Variants in FAAP100 observed in about 807,000 individuals in gnomAD.
The protein encoded by FAAP100 is FA core complex associated protein 100, also known as Fanconi anemia core complex-associated protein 100.
In FAAP100, 46 loss-of-function variants were observed where a neutral mutation model predicts 65.8. That is an observed-to-expected ratio of 0.70 (90% confidence interval 0.55 to 0.89). FAAP100 has a LOEUF of 0.89. Among genes scored for constraint, FAAP100 ranks in the 40% least tolerant of loss-of-function variants. The probability of loss-of-function intolerance (pLI) is 0.00; values close to 1 mark genes in which losing one functional copy is unlikely to be tolerated. For missense variants in FAAP100, 1,165 were observed against 1,196.7 expected, an observed-to-expected ratio of 0.97 and a Z score of 0.39; for synonymous variants, 663 against 555.1, an observed-to-expected ratio of 1.19 and a Z score of -2.73.
intron 3 of FAAP100, 43 bp downstream of exon 3, chr17:81,550,205 C>T (rs1207333731): frequency 3.3e-6 from 5 of 1,522,514 alleles, no homozygotes; most frequent in Non-Finnish European, 4.4e-6. Flanking sequence ...AAAGGGTGCT[C>T]CACCCTGGGC....
chr17:81,544,149 G>A, intron 6 of FAAP100, 29 bp from the exon 7 acceptor site: 1 of 1,559,972 alleles, frequency 6.4e-7, no homozygotes, highest in Non-Finnish European at 8.8e-7. Flanking sequence ...CTCACTGCCT[G>A]CCTGTGGCAC....
In FAAP100 at chr17:81,550,620, G is replaced by C; in HGVS notation, c.874C>G (p.Pro292Ala). ...VIFIGALKTE[P>A]QAAEAAENFL... ...TTCTCTGCAGCTTCTGCAGCCTGTG[G>C]CTCTGTCTTCAAGGCCCCTATGAAG... The change falls in exon 3 of 9, where the codon CCA (proline) becomes GCA (alanine). Residue 292 changes from proline (P) to alanine (A), a missense_variant. By Grantham distance (27) the Pro-to-Ala change is conservative. Coordinates refer to ENST00000327787, the MANE Select transcript of FAAP100 (RefSeq NM_025161.6). 6.2e-7 allele frequency: 1 copy of C among 1,613,020 alleles called. No individual in the cohort carries two copies. Among genetic ancestry groups the C allele is most frequent in the Non-Finnish European group, 8.5e-7 (1 of 1,180,016 alleles).
upstream of FAAP100, among the ~76,000 whole-genome samples, chr17:81,552,765 C>T (rs1420770684): frequency 6.6e-6 from 1 of 152,200 alleles, no homozygotes; most frequent in Non-Finnish European, 1.5e-5. Context: ...CAGCTGGGTC[C>T]TGCCGGAGCG....
In FAAP100 at chr17:81,551,020, G is replaced by A. The variant is rs767830366; in HGVS notation, c.474C>T (p.Pro158=). Residue 158 remains proline, a synonymous_variant, in exon 3 of 9, where the codon CCC becomes CCT. Coordinates refer to ENST00000327787, the MANE Select transcript of FAAP100 (RefSeq NM_025161.6). ...ARWKMQLFEQ[P]CPGEDPRPGG... ...CTGGCCGGGGGTCCTCCCCAGGACA[G>A]GGCTGCTCAAACAGCTGCATCTTCC... 6.8e-6 allele frequency: 11 copies of A among 1,611,012 alleles called. No homozygotes were observed. In the Admixed American group the frequency reaches 1.8e-4, roughly 27 times the overall value.
At position 81,551,046 on chromosome 17, in the gene FAAP100, A is replaced by G; in HGVS notation, c.448T>C (p.Trp150Arg). The stretch of plus-strand genomic sequence containing the variant: ...GGCTGCTCAAACAGCTGCATCTTCC[A>G]TCGGGCAGGGCCCTGCACCAGGGTG... ...LVTLVQGPAR[W>R]KMQLFEQPCP... The change falls in exon 3 of 9, where the codon TGG becomes CGG. Residue 150 changes from tryptophan to arginine, a missense_variant. By Grantham distance (101) the Trp-to-Arg change is moderately radical (BLOSUM62 -3). Transcript: ENST00000327787. 1 of 1,605,732 alleles carries G rather than the reference A, an allele frequency of 6.2e-7. No individual in the cohort carries two copies. Among genetic ancestry groups the G allele is most frequent in the Non-Finnish European group, 8.5e-7 (1 of 1,176,694 alleles).
chr17:81,545,844 C>T lies in FAAP100; in HGVS notation c.2212G>A (p.Ala738Thr). The change falls in exon 6 of 9, where the codon GCT (alanine) becomes ACT (threonine). Residue 738 changes from alanine to threonine, a missense_variant. Physicochemically the swap from Ala to Thr is moderately conservative, Grantham distance 58. Coordinates refer to ENST00000327787, the MANE Select transcript of FAAP100 (RefSeq NM_025161.6). The stretch of plus-strand genomic sequence containing the variant: ...ACGACGTCCACAGCAGCATTCTCAG[C>T]AAGGAGCCACTGCAGGGTGGCACAG... ...LCCATLQWLL[A>T]ENAAVDVVRA... 1 of 1,610,642 alleles carries T rather than the reference C, an allele frequency of 6.2e-7. No homozygotes were observed. Among genetic ancestry groups the T allele is most frequent in the Non-Finnish European group, 8.5e-7 (1 of 1,179,916 alleles).
rs776362380 is a variant in FAAP100, at chr17:81,547,438, G to A, written c.1644C>T (p.Leu548=). 17 of 1,613,058 alleles carry A rather than the reference G, an allele frequency of 1.1e-5. No homozygotes were observed. The East Asian group carries it at 3.3e-4, about 32-fold the overall frequency. The change falls in exon 5 of 9, where the codon CTC becomes CTT. Residue 548 remains leucine (L), a synonymous_variant. Coordinates refer to ENST00000327787, the MANE Select transcript of FAAP100 (RefSeq NM_025161.6). ...CCAGGTCGAGAGCACAGGAGCTGGT[G>A]AGCACCTGGATGCACAGGGTCCACC... ...DQGWTLCIQV[L]TSSCALDLDS...
At chr17:81,542,820 C>G (rs1363912779) in intron 7 of FAAP100, among the ~76,000 whole-genome samples, 3 of 152,228 alleles carry the variant, frequency 2.0e-5, no homozygotes, top group African/African-American at 7.2e-5. Context: ...TATCTGGACA[C>G]AAACCCAGGG....
Position 81,545,875 on chromosome 17 carries a change from G to A in FAAP100, c.2181C>T (p.Pro727=). The change falls in exon 6 of 9, where the codon CCC becomes CCT. Residue 727 remains proline (P), a synonymous_variant. Transcript: ENST00000327787. ...GCCACTGCAGGGTGGCACAGCACAG[G>A]GGCACGCCTGGAGGGGAGGCATCAG... ...AALKDGHSGV[P]LCCATLQWLL... 9.3e-6 allele frequency: 15 copies of A among 1,606,234 alleles called. No homozygotes were observed. Among genetic ancestry groups the A allele is most frequent in the Non-Finnish European group, 1.2e-5 (14 of 1,179,682 alleles).
chr17:81,549,955 G>A (rs552095416), intron 3 of FAAP100, among the ~76,000 whole-genome samples: 10 of 152,116 alleles, frequency 6.6e-5, no homozygotes, highest in South Asian at 2.1e-4. Flanking sequence ...AGGCGCTTGC[G>A]GTGGACCCCC....
Position 81,549,278 on chromosome 17 carries a change from G to A in FAAP100, c.1331C>T (p.Ala444Val), listed in dbSNP as rs750350140. 1.2e-6 allele frequency: 2 copies of A among 1,612,980 alleles called. No homozygotes were observed. The highest frequency in any genetic ancestry group is 1.7e-5 in the Admixed American group (1 of 59,996). The change falls in exon 4 of 9, where the codon GCC becomes GTC. Residue 444 changes from alanine to valine, a missense_variant. Coordinates refer to ENST00000327787, the MANE Select transcript of FAAP100 (RefSeq NM_025161.6). ...LDLDSEMPGP[A>V]RMTTESAGQK... ...ACCTGCACTCTCTGTGGTCATCCTG[G>A]CTGGGCCAGGCATCTCAGAGTCCAG...
intron 6 of FAAP100, among the ~76,000 whole-genome samples, chr17:81,545,068 G>A (rs1027001878): frequency 6.6e-6 from 1 of 152,230 alleles, no homozygotes; most frequent in African/African-American, 2.4e-5. Context: ...TACTCAGGAG[G>A]CTGAGGCAGG....
chr17:81,547,196 G>C lies in FAAP100; in HGVS notation c.1886C>G (p.Ser629Cys). ...ACCCTCTTGCTCGGGCAGGACGTCG[G>C]AGGGGCACTCATCCAGAAAGGGGTC... Reference protein sequence around the residue: ...SEDPFLDECPSDVLPEQEGVC... With the variant: ...SEDPFLDECPCDVLPEQEGVC... Residue 629 changes from serine (S) to cysteine (C), a missense_variant, in exon 5 of 9, where the codon TCC becomes TGC. Ser to Cys is a moderately radical substitution (Grantham distance 112). Coordinates refer to ENST00000327787, the MANE Select transcript of FAAP100 (RefSeq NM_025161.6). 1 of 1,561,342 alleles carries C rather than the reference G, an allele frequency of 6.4e-7. No individual in the cohort carries two copies. The highest frequency in any genetic ancestry group is 8.7e-7 in the Non-Finnish European group (1 of 1,151,176).
Position 81,541,424 on chromosome 17 carries a change from G to A in FAAP100, c.2428-29C>T, listed in dbSNP as rs770467366. 2.6e-6 allele frequency: 4 copies of A among 1,566,636 alleles called. No homozygotes were observed. In the African/African-American group the frequency reaches 4.1e-5, roughly 16 times the overall value. On this transcript the variant is annotated intron_variant, in intron 7 of 8. Coordinates refer to ENST00000327787, the MANE Select transcript of FAAP100 (RefSeq NM_025161.6). The stretch of plus-strand genomic sequence containing the variant: ...GGGGACACAGGAGACATGCTGGAGA[G>A]GGTGTGCCCCAGCACCTGCCCCCAC...
rs748748463 is a variant in FAAP100 at position 81,550,708 on chromosome 17, C to T, written c.786G>A (p.Arg262=). 3.5e-5 allele frequency: 57 copies of T among 1,612,926 alleles called. No homozygotes were observed. Among genetic ancestry groups the T allele is most frequent in the Non-Finnish European group, 4.7e-5 (56 of 1,179,960 alleles). Residue 262 remains arginine (R), a synonymous_variant, in exon 3 of 9, where the codon AGG becomes AGA. Coordinates refer to ENST00000327787, the MANE Select transcript of FAAP100 (RefSeq NM_025161.6). ...CVILKALVTS[R]SAPGDPNALV... ...GGGCATTTGGGTCACCAGGGGCTGA[C>T]CTGGAGGTGACCAGGGCCTTCAGGA...
In FAAP100 at chr17:81,551,979, C is replaced by T; in HGVS notation, c.239G>A (p.Cys80Tyr). The change falls in exon 2 of 9, where the codon TGC becomes TAC. Residue 80 changes from cysteine to tyrosine, a missense_variant. By Grantham distance (194) the Cys-to-Tyr change is radical. Coordinates refer to ENST00000327787, the MANE Select transcript of FAAP100 (RefSeq NM_025161.6). Reference protein sequence around the residue: ...LAPRRLLYALCARRGLYCLSL... With the variant: ...LAPRRLLYALYARRGLYCLSL... The stretch of plus-strand genomic sequence containing the variant: ...CAGGCAGTAGAGGCCCCTCCGGGCG[C>T]ACAGCGCGTACAGCAACCTGCGCGG... 1 of 1,567,206 alleles carries T rather than the reference C, an allele frequency of 6.4e-7. No homozygotes were observed. The highest frequency in any genetic ancestry group is 1.2e-5 in the South Asian group (1 of 86,248).
chr17:81,552,301 G>A lies in FAAP100; in HGVS notation c.30C>T (p.Tyr10=), dbSNP rs1405427922. The A allele has an allele frequency of 2.8e-6, 4 of 1,432,498 alleles. No individual in the cohort carries two copies. The highest frequency in any genetic ancestry group is 1.4e-5 in the South Asian group (1 of 72,254). 88.7% of individuals were successfully genotyped at this position (1,432,498 alleles called of 1,614,324 possible). MAGAAPRVR[Y]LAGFCCPLGG... is the part of the protein sequence containing the mutation. ...CGAGAGGGCAGCAGAAGCCCGCCAGGTAGCGGACCCGCGGCGCGGCGCCGG... is the reference window on the plus strand; with the variant it reads ...CGAGAGGGCAGCAGAAGCCCGCCAGATAGCGGACCCGCGGCGCGGCGCCGG... Residue 10 remains tyrosine, a synonymous_variant, in exon 1 of 9, where the codon TAC becomes TAT. Transcript: ENST00000327787.
chr17:81,547,759 G>C, intron 4 of FAAP100, 81 bp from the exon 5 acceptor site: 1 of 1,507,100 alleles, frequency 6.6e-7, no homozygotes, highest in Non-Finnish European at 9.1e-7. Context: ...GGCCTGGTAG[G>C]CACCGAGCCT....
At position 81,540,791 on chromosome 17, in the gene FAAP100, G is replaced by A. The variant is rs1255108704; in HGVS notation, c.*28C>T. ...GGCTGTGACAGAGGCTGGAAGCGTGGCCAGAGCCCAGGGGCAGGCCCGCCT... is the reference window on the plus strand; with the variant it reads ...GGCTGTGACAGAGGCTGGAAGCGTGACCAGAGCCCAGGGGCAGGCCCGCCT... On this transcript the variant is annotated 3_prime_UTR_variant, in exon 9 of 9. Coordinates refer to ENST00000327787, the MANE Select transcript of FAAP100 (RefSeq NM_025161.6). The A allele has an allele frequency of 2.7e-6, 4 of 1,489,500 alleles. No homozygotes were observed. Among genetic ancestry groups the A allele is most frequent in the Admixed American group, 2.2e-5 (1 of 46,460 alleles). The allele number at this position is 1,489,500 out of a possible 1,614,324, so 92.3% of individuals were successfully genotyped here.
Sources: allele counts gnomAD v4.1 joint callset (sites outside exome capture counted in the v4.1 genomes callset), GRCh38; gene constraint gnomAD v4.1.1; transcripts MANE v1.5; gene names NCBI Gene and HGNC (gene_info 2026-07-23, HGNC 2026-07-21).